The following ATL3 variants were observed in gnomAD, a reference collection of about 807,000 sequenced individuals.
ATL3 encodes the protein atlastin GTPase 3.
Under a neutral mutation model 69.5 loss-of-function variants are expected in ATL3, and 49 were observed. The ratio of observed to expected loss-of-function variants is 0.71; its 90% CI spans 0.56 to 0.89. The LOEUF (loss-of-function observed/expected upper bound fraction) is 0.89. Among genes scored for constraint, ATL3 ranks in the 40% least tolerant of loss-of-function variants. The probability of loss-of-function intolerance (pLI) is 0.00; values close to 1 mark genes in which losing one functional copy is unlikely to be tolerated. For synonymous variants in ATL3, 214 were observed against 224.1 expected (o/e 0.95, Z 0.40); for missense variants, 606 against 645.7 (o/e 0.94, Z 0.67).
intron 10 of ATL3, 44 bp downstream of exon 10, chr11:63,635,490 A>C (rs779155610): frequency 1.3e-6 from 2 of 1,520,870 alleles, no homozygotes; most frequent in Admixed American, 1.7e-5. Flanking sequence ...AGGTCAACTC[A>C]AGTAATTTAA....
intron 8 of ATL3, among the ~76,000 whole-genome samples, chr11:63,639,402 T>C (rs978368385): frequency 1.3e-5 from 2 of 152,228 alleles, no homozygotes; most frequent in Non-Finnish European, 2.9e-5. Flanking sequence ...TTTTAACATA[T>C]TTTTAAAGTT....
At chr11:63,671,398 G>T, upstream of ATL3, 1 of 1,527,760 alleles carries the variant, frequency 6.5e-7, no homozygotes, top group South Asian at 1.2e-5. Context: ...GTGCGGGCGG[G>T]AACGAACCGG....
In ATL3 at chr11:63,640,474, A is replaced by T. The variant is rs370609461; in HGVS notation, c.850+2883T>A. ...AGCTAGTATTTTTTTTTTTTTAGCGATGGGGGGGATCTCCCTATGTTGCCG... is the reference window on the plus strand; with the variant it reads ...AGCTAGTATTTTTTTTTTTTTAGCGTTGGGGGGGATCTCCCTATGTTGCCG... On this transcript the variant is annotated intron_variant, in intron 8 of 12. Transcript: ENST00000398868. 9.4e-3 allele frequency among the ~76,000 whole-genome samples: 1,399 copies of T among 148,174 alleles called. 16 individuals are homozygous for T. Among genetic ancestry groups the T allele is most frequent in the African/African-American group, 0.033 (1,313 of 40,304 alleles).
chr11:63,629,429 A>G, intron 12 of ATL3, 24 bp from the exon 13 acceptor site: 1 of 1,585,410 alleles, frequency 6.3e-7, no homozygotes, highest in Non-Finnish European at 8.7e-7. Flanking sequence ...TTTATTCAAC[A>G]TATAAGTTAA....
intron 10 of ATL3, among the ~76,000 whole-genome samples, chr11:63,633,492 G>A (rs955083056): frequency 4.6e-5 from 7 of 151,434 alleles, no homozygotes; most frequent in Non-Finnish European, 1.0e-4. Flanking sequence ...TACAACCTTC[G>A]CCTCCTGAAT....
At chr11:63,642,170 T>C (rs965029324) in intron 8 of ATL3, among the ~76,000 whole-genome samples, 1 of 152,192 alleles carries the variant, frequency 6.6e-6, no homozygotes, top group Non-Finnish European at 1.5e-5. Context: ...GGTCCACTGC[T>C]TGCCAAGCGG....
At chr11:63,632,437 A>G in intron 11 of ATL3, 2 of 834,958 alleles carry the variant, frequency 2.4e-6, no homozygotes, top group Non-Finnish European at 2.1e-6. Context: ...GATTGCAAAA[A>G]GCCCAAGTGA....
Position 63,626,006 on chromosome 11 carries a change from A to C in ATL3, c.*3313T>G, listed in dbSNP as rs1939098770. On this transcript the variant is annotated 3_prime_UTR_variant, in exon 13 of 13. Transcript: ENST00000398868. ...CAAAAAAAAAAAGGAATAAAGCGAA[A>C]CACAGGCAATTTTACCAAGTATAAA... 1.3e-5 allele frequency: 2 copies of C among 152,140 alleles called. No individual in the cohort carries two copies. 9.4% of individuals were successfully genotyped at this position (152,140 alleles called of 1,614,324 possible).
intron 6 of ATL3, among the ~76,000 whole-genome samples, chr11:63,645,227 G>T (rs1020349179): frequency 2.6e-5 from 4 of 151,840 alleles, no homozygotes; most frequent in African/African-American, 4.8e-5. Context: ...TCAACATGAT[G>T]AAACCCCATC....
At chr11:63,669,948 CA>C (rs200836821) in intron 1 of ATL3, among the ~76,000 whole-genome samples, 3 of 149,612 alleles carry the variant, frequency 2.0e-5, no homozygotes, top group African/African-American at 4.9e-5. Context: ...AACTCCGTCT[CA>C]AAAAAAAATA....
intron 8 of ATL3, among the ~76,000 whole-genome samples, chr11:63,641,713 C>T (rs1163625519): frequency 1.3e-5 from 2 of 152,084 alleles, no homozygotes; most frequent in African/African-American, 4.8e-5. Flanking sequence ...CTTAAGCCAC[C>T]TAGTTTGTGG....
At chr11:63,664,887 T>C (rs544697128) in intron 1 of ATL3, among the ~76,000 whole-genome samples, 2 of 152,092 alleles carry the variant, frequency 1.3e-5, no homozygotes, top group East Asian at 3.9e-4. Context: ...ATTACAGGCG[T>C]GAGCCACCGC....
At chr11:63,647,083 CT>C (rs1939908083) in intron 5 of ATL3, among the ~76,000 whole-genome samples, 1 of 152,208 alleles carries the variant, frequency 6.6e-6, no homozygotes, top group African/African-American at 2.4e-5. Context: ...TCATGATCTG[CT>C]CCCTCACTTC....
intron 8 of ATL3, among the ~76,000 whole-genome samples, chr11:63,640,324 G>A (rs1231246594): frequency 1.3e-5 from 2 of 151,858 alleles, no homozygotes; most frequent in African/African-American, 4.8e-5. Context: ...GTCTCACTCT[G>A]TCACCCAGGC....
intron 8 of ATL3, 26 bp from the exon 9 acceptor site, chr11:63,636,360 A>G (rs759123228): frequency 6.2e-6 from 10 of 1,613,124 alleles, no homozygotes; most frequent in Non-Finnish European, 8.5e-6. Flanking sequence ...CAAAGAAGGG[A>G]AAAATAAGCC....
At chr11:63,652,670 T>C (rs1325825493) in intron 3 of ATL3, 95 bp from the exon 4 acceptor site, 1 of 794,328 alleles carries the variant, frequency 1.3e-6, no homozygotes, top group African/African-American at 1.7e-5. Context: ...TATACTTAAG[T>C]ACAGGTAATG....
intron 12 of ATL3, among the ~76,000 whole-genome samples, chr11:63,630,740 G>T (rs1040501651): frequency 6.8e-6 from 1 of 146,692 alleles, no homozygotes; most frequent in Non-Finnish European, 1.5e-5. Context: ...AGGTTGCAGT[G>T]AGCCAAGATC....
chr11:63,641,336 G>A (rs1399142830), intron 8 of ATL3, among the ~76,000 whole-genome samples: 1 of 152,126 alleles, frequency 6.6e-6, no homozygotes, highest in African/African-American at 2.4e-5. Context: ...TATGTATAGT[G>A]AGTTGAACAG....
chr11:63,651,033 T>C (rs897215872), intron 5 of ATL3, among the ~76,000 whole-genome samples: 2 of 152,194 alleles, frequency 1.3e-5, no homozygotes, highest in Non-Finnish European at 2.9e-5. Context: ...TCACTCACAT[T>C]CTGATGCTTT....
Sources: allele counts gnomAD v4.1 joint callset (sites outside exome capture counted in the v4.1 genomes callset), GRCh38; gene constraint gnomAD v4.1.1; transcripts MANE v1.5; gene names NCBI Gene and HGNC (gene_info 2026-07-23, HGNC 2026-07-21).